Variants in LRP1B observed in about 807,000 individuals in gnomAD.
LRP1B encodes the protein low-density lipoprotein receptor-related protein 1B.
A neutral mutation model predicts 556.6 loss-of-function variants in LRP1B; 217 were observed. The observed-to-expected ratio is 0.39, with a 90% CI of 0.35 to 0.44. LRP1B has a LOEUF of 0.44. Among genes scored for constraint, LRP1B ranks in the 20% least tolerant of loss-of-function variants. The pLI is 1.00. For synonymous variants in LRP1B, 2,047 were observed against 1,865.8 expected, an observed-to-expected ratio of 1.10 and a Z score of -2.50; for missense variants, 5,053 against 5,620.8, an observed-to-expected ratio of 0.90 and a Z score of 3.23.
At chr2:141,736,041 G>A (rs1021894198) in intron 2 of LRP1B, among the ~76,000 whole-genome samples, 4 of 152,144 alleles carry the variant, frequency 2.6e-5, no homozygotes, top group Non-Finnish European at 5.9e-5. Flanking sequence ...AACTGGGTTT[G>A]TGATGCTGGA....
chr2:141,892,790 C>T (rs749031814), intron 1 of LRP1B, among the ~76,000 whole-genome samples: 7 of 151,980 alleles, frequency 4.6e-5, no homozygotes, highest in African/African-American at 7.2e-5. Context: ...ATTTCCCAGA[C>T]GCTAAAAAGT....
rs924566663 is a variant in LRP1B, at chr2:140,495,423, GATTCTC to G, written c.9034+136_9034+141del. Reference sequence around the variant, plus strand: ...CAGAGCATACAAAATCAGAGTGACAGATTCTCATATCAAGGGAAGTAGAGAAGAATT... The same window carrying G: ...CAGAGCATACAAAATCAGAGTGACAGATATCAAGGGAAGTAGAGAAGAATT... On this transcript the variant is annotated intron_variant, in intron 56 of 90. Transcript: ENST00000389484. 1.3e-5 allele frequency: 8 copies of G among 612,726 alleles called. No homozygotes were observed. In the African/African-American group the frequency reaches 1.4e-4, roughly 11 times the overall value. The allele number at this position is 612,726 out of a possible 1,614,324, so 38.0% of individuals were successfully genotyped here.
intron 7 of LRP1B, among the ~76,000 whole-genome samples, chr2:141,127,690 A>G (rs1490488883): frequency 6.6e-6 from 1 of 152,166 alleles, no homozygotes; most frequent in Non-Finnish European, 1.5e-5. Context: ...TTTGGTTACT[A>G]TATTAAATAC....
At chr2:140,987,838 G>A (rs78144980) in intron 17 of LRP1B, among the ~76,000 whole-genome samples, 1 of 151,892 alleles carries the variant, frequency 6.6e-6, no homozygotes, top group African/African-American at 2.4e-5. Context: ...ATAAGAAAAA[G>A]CCAGGCATGG....
Position 141,595,005 on chromosome 2 carries a change from C to T in LRP1B, c.206-114472G>A, listed in dbSNP as rs113054577. Among the ~76,000 whole-genome samples, 17 of 151,900 alleles carry T rather than the reference C, an allele frequency of 1.1e-4. 1 individual carries two copies. The highest frequency in any genetic ancestry group is 4.1e-4 in the African/African-American group (17 of 41,380). Reference sequence around the variant, plus strand: ...TTAAAAATTGTTAGATGCTTTGTGTCCCCTTTTTATATTAAGTATTTTAAA... The same window carrying T: ...TTAAAAATTGTTAGATGCTTTGTGTTCCCTTTTTATATTAAGTATTTTAAA... On this transcript the variant is annotated intron_variant, in intron 2 of 90. Transcript: ENST00000389484.
chr2:140,866,789 T>C (rs564199310), intron 27 of LRP1B, among the ~76,000 whole-genome samples: 1 of 152,122 alleles, frequency 6.6e-6, no homozygotes, highest in African/African-American at 2.4e-5. Context: ...GTCTAAAAGA[T>C]ACTATAATAC....
In LRP1B at chr2:141,601,190, G is replaced by A. The variant is rs531334277; in HGVS notation, c.206-120657C>T. Among the ~76,000 whole-genome samples, 254 of 143,320 alleles carry A rather than the reference G, an allele frequency of 1.8e-3. 2 individuals carry two copies. Among genetic ancestry groups the A allele is most frequent in the African/African-American group, 6.0e-3 (227 of 38,056 alleles). 94.0% of individuals were successfully genotyped at this position (143,320 alleles called of 152,430 possible). On this transcript the variant is annotated intron_variant, in intron 2 of 90. Coordinates refer to ENST00000389484, the MANE Select transcript of LRP1B (RefSeq NM_018557.3). ...AATAGATCCTAAACATATAGTATCT[G>A]TCTGTCTGTCAGTATCTATCTATCT... is the stretch of plus-strand genomic sequence containing the variant.
At chr2:141,712,477 G>A (rs1464142654) in intron 2 of LRP1B, among the ~76,000 whole-genome samples, 2 of 151,908 alleles carry the variant, frequency 1.3e-5, no homozygotes, top group East Asian at 1.9e-4. Flanking sequence ...AGGAGTGGCC[G>A]TGGGATCCTG....
intron 2 of LRP1B, among the ~76,000 whole-genome samples, chr2:141,788,179 A>G (rs755024734): frequency 9.9e-5 from 15 of 152,040 alleles, no homozygotes; most frequent in Non-Finnish European, 2.1e-4. Context: ...AGATAAAACT[A>G]GTAGCTTTTT....
chr2:141,150,685 C>G (rs957518907), intron 7 of LRP1B, among the ~76,000 whole-genome samples: 7 of 152,142 alleles, frequency 4.6e-5, no homozygotes, highest in African/African-American at 1.7e-4. Context: ...TGTTGCTAGT[C>G]TTGTGATTGC....
intron 11 of LRP1B, among the ~76,000 whole-genome samples, chr2:141,035,271 G>T (rs1163687178): frequency 6.6e-6 from 1 of 151,792 alleles, no homozygotes; most frequent in Non-Finnish European, 1.5e-5. Flanking sequence ...CGAGTTAATG[G>T]GTGCAGCACA....
intron 2 of LRP1B, among the ~76,000 whole-genome samples, chr2:141,599,307 T>G (rs1687648873): frequency 6.6e-6 from 1 of 152,052 alleles, no homozygotes; most frequent in African/African-American, 2.4e-5. Context: ...ATTTCCCTAT[T>G]CAACATTTTG....
intron 7 of LRP1B, among the ~76,000 whole-genome samples, chr2:141,126,072 G>A (rs1175704324): frequency 2.0e-5 from 3 of 148,952 alleles, no homozygotes; most frequent in Non-Finnish European, 4.4e-5. Context: ...TGGCTCTGTC[G>A]CCAGGCTGGA....
chr2:140,632,742 A>G (rs1340003762), intron 41 of LRP1B, among the ~76,000 whole-genome samples: 2 of 152,198 alleles, frequency 1.3e-5, no homozygotes, highest in African/African-American at 4.8e-5. Flanking sequence ...AAATAAAAAC[A>G]AGACCCAATT....
At chr2:141,644,977 T>C (rs1003480684) in intron 2 of LRP1B, among the ~76,000 whole-genome samples, 1 of 152,078 alleles carries the variant, frequency 6.6e-6, no homozygotes, top group African/African-American at 2.4e-5. Flanking sequence ...ACATAGCCTT[T>C]GAGGAGACAT....
At chr2:141,510,269 A>G (rs1469694216) in intron 2 of LRP1B, among the ~76,000 whole-genome samples, 1 of 151,614 alleles carries the variant, frequency 6.6e-6, no homozygotes, top group Non-Finnish European at 1.5e-5. Flanking sequence ...TTCTATATAT[A>G]TACACATATA....
At chr2:140,254,977 T>A (rs1681613416) in intron 86 of LRP1B, among the ~76,000 whole-genome samples, 1 of 152,182 alleles carries the variant, frequency 6.6e-6, no homozygotes, top group South Asian at 2.1e-4. Context: ...CTTCAAAATC[T>A]AGAAACTACA....
At chr2:141,486,056 C>T (rs1295334423) in intron 2 of LRP1B, among the ~76,000 whole-genome samples, 2 of 152,122 alleles carry the variant, frequency 1.3e-5, no homozygotes, top group South Asian at 2.1e-4. Context: ...TGGTAGTCCT[C>T]ATGAGAATGT....
At chr2:141,402,181 G>T (rs536554473) in intron 3 of LRP1B, among the ~76,000 whole-genome samples, 2 of 152,004 alleles carry the variant, frequency 1.3e-5, no homozygotes, top group African/African-American at 4.8e-5. Flanking sequence ...AATAAGGTTG[G>T]CCTCATGTAT....
Sources: allele counts gnomAD v4.1 joint callset (sites outside exome capture counted in the v4.1 genomes callset), GRCh38; gene constraint gnomAD v4.1.1; transcripts MANE v1.5; gene names NCBI Gene and HGNC (gene_info 2026-07-23, HGNC 2026-07-21).